ASB15: variants seen among roughly 807,000 people sequenced by gnomAD.
ASB15 encodes the protein ankyrin repeat and SOCS box protein 15.
ASB15 carries 54 observed loss-of-function variants against 58.0 expected under a neutral mutation model. The observed-to-expected ratio is 0.93, with a 90% CI of 0.75 to 1.17. ASB15 has a LOEUF of 1.17. Ranked by LOEUF, ASB15 falls within the 50% of genes most tolerant of loss-of-function variation. The pLI, the probability that ASB15 is intolerant of heterozygous loss-of-function variation, is 0.00. For missense variants in ASB15, 680 were observed against 707.4 expected, an observed-to-expected ratio of 0.96 and a Z score of 0.44; for synonymous variants, 249 against 262.4, an observed-to-expected ratio of 0.95 and a Z score of 0.50.
At chr7:123,616,752 T>C (rs1800845031) in intron 6 of ASB15, among the ~76,000 whole-genome samples, 1 of 152,152 alleles carries the variant, frequency 6.6e-6, no homozygotes. Flanking sequence ...GGTTATCACA[T>C]AAAAGTGATA....
At chr7:123,619,458 C>T (rs1801083019) in intron 7 of ASB15, among the ~76,000 whole-genome samples, 1 of 152,074 alleles carries the variant, frequency 6.6e-6, no homozygotes, top group Admixed American at 6.6e-5. Flanking sequence ...AGGTGTTCTG[C>T]CCCGATACAG....
intron 1 of ASB15, among the ~76,000 whole-genome samples, chr7:123,574,557 A>T (rs1463261956): frequency 6.6e-6 from 1 of 152,214 alleles, no homozygotes; most frequent in East Asian, 1.9e-4. Flanking sequence ...AACACTGTTT[A>T]CATGTTAGCA....
chr7:123,593,751 T>C (rs952372017), intron 1 of ASB15, among the ~76,000 whole-genome samples: 1 of 152,138 alleles, frequency 6.6e-6, no homozygotes, highest in Non-Finnish European at 1.5e-5. Context: ...TGAACACTTA[T>C]GTGTCTTGGG....
chr7:123,611,953 T>A (rs1800488575), intron 3 of ASB15, among the ~76,000 whole-genome samples: 2 of 151,138 alleles, frequency 1.3e-5, no homozygotes, highest in Admixed American at 1.3e-4. Flanking sequence ...GGGAACTTCC[T>A]TTGTGATAGT....
At chr7:123,633,361 GATATA>G (rs1228402682) in intron 11 of ASB15, among the ~76,000 whole-genome samples, 3 of 151,946 alleles carry the variant, frequency 2.0e-5, no homozygotes, top group East Asian at 3.9e-4. Flanking sequence ...TATTGATAGT[GATATA>G]ATATTAATAT....
At chr7:123,600,444 A>G (rs1799839631), upstream of ASB15, among the ~76,000 whole-genome samples, 1 of 152,172 alleles carries the variant, frequency 6.6e-6, no homozygotes, top group Non-Finnish European at 1.5e-5. Context: ...TTAGGTGCAC[A>G]TTTTCCCACA....
chr7:123,578,315 A>C (rs1255088273), intron 1 of ASB15, among the ~76,000 whole-genome samples: 2 of 151,686 alleles, frequency 1.3e-5, no homozygotes, highest in Non-Finnish European at 2.9e-5. Flanking sequence ...TATGTTGCTC[A>C]AAAATTACCA....
At chr7:123,625,615 T>C (rs147840965) in intron 8 of ASB15, among the ~76,000 whole-genome samples, 2 of 152,264 alleles carry the variant, frequency 1.3e-5, no homozygotes, top group East Asian at 3.9e-4. Flanking sequence ...AGACACCTCC[T>C]CCCTAAATCC....
chr7:123,578,640 G>A (rs1799136977), intron 1 of ASB15, among the ~76,000 whole-genome samples: 1 of 151,918 alleles, frequency 6.6e-6, no homozygotes, highest in Non-Finnish European at 1.5e-5. Flanking sequence ...TAATATCTGA[G>A]CTAATGAGAG....
chr7:123,617,683 A>G lies in ASB15; in HGVS notation c.397A>G (p.Lys133Glu). The G allele has an allele frequency of 6.2e-7, 1 of 1,613,074 alleles. No homozygotes were observed. Among genetic ancestry groups the G allele is most frequent in the Non-Finnish European group, 8.5e-7 (1 of 1,179,020 alleles). Residue 133 changes from lysine to glutamate, a missense_variant, in exon 7 of 12, where the codon AAG becomes GAG. Lys to Glu is a moderately conservative substitution (Grantham distance 56). Transcript: ENST00000451215. ...LVENVRTLLE[K>E]GVWPNTKNDK... ...GGAAAATGTAAGAACTTTATTAGAA[A>G]AGGGAGTGTGGCCCAACACAAAAAA...
At chr7:123,602,303 C>G (rs909249311) in intron 1 of ASB15, among the ~76,000 whole-genome samples, 1 of 151,986 alleles carries the variant, frequency 6.6e-6, no homozygotes, top group Non-Finnish European at 1.5e-5. Context: ...TCTTTTAAGG[C>G]TTTTTCATCA....
intron 1 of ASB15, among the ~76,000 whole-genome samples, chr7:123,576,728 C>T (rs1351345008): frequency 6.6e-6 from 1 of 152,142 alleles, no homozygotes; most frequent in Non-Finnish European, 1.5e-5. Flanking sequence ...TTACTACACA[C>T]TTCACTGTGA....
intron 1 of ASB15, among the ~76,000 whole-genome samples, chr7:123,603,490 G>C (rs1210713225): frequency 6.6e-6 from 1 of 152,168 alleles, no homozygotes; most frequent in African/African-American, 2.4e-5. Context: ...AATACTAGGT[G>C]GTGGTGTCTT....
intron 11 of ASB15, among the ~76,000 whole-genome samples, chr7:123,632,318 C>T (rs961810769): frequency 6.6e-6 from 1 of 151,856 alleles, no homozygotes; most frequent in African/African-American, 2.4e-5. Context: ...AATGTGAAGA[C>T]TGAACTAGAA....
chr7:123,617,554 T>C (rs1204027145), intron 6 of ASB15, 25 bp from the exon 7 acceptor site: 1 of 1,581,752 alleles, frequency 6.3e-7, no homozygotes, highest in Non-Finnish European at 8.7e-7. Flanking sequence ...TTTCAACTTT[T>C]CAACATAATG....
intron 11 of ASB15, among the ~76,000 whole-genome samples, chr7:123,635,794 A>AG (rs964721417): frequency 6.6e-6 from 1 of 151,920 alleles, no homozygotes; most frequent in South Asian, 2.1e-4. Context: ...CATATTGGTT[A>AG]GGAAAAAAAA....
At chr7:123,628,483 C>T (rs573041226) in intron 9 of ASB15, among the ~76,000 whole-genome samples, 6 of 152,280 alleles carry the variant, frequency 3.9e-5, no homozygotes, top group Admixed American at 6.5e-5. Flanking sequence ...GATTATGAAG[C>T]ATTCCTCTGT....
At chr7:123,585,754 T>C (rs781516908) in intron 1 of ASB15, among the ~76,000 whole-genome samples, 1 of 151,758 alleles carries the variant, frequency 6.6e-6, no homozygotes, top group Non-Finnish European at 1.5e-5. Flanking sequence ...ATTAGATCTC[T>C]AAAACTTATA....
chr7:123,636,883 C>T lies in ASB15; in HGVS notation c.1669C>T (p.Pro557Ser). ...RLMGLQKLCQ[P>S]ASVEKLPLPP... The stretch of plus-strand genomic sequence containing the variant: ...TATGGGTCTCCAGAAACTCTGCCAG[C>T]CAGCCTCAGTGGAGAAGCTTCCTCT... The change falls in exon 12 of 12, where the codon CCA becomes TCA. Residue 557 changes from proline to serine, a missense_variant. Transcript: ENST00000451215. 1 of 1,606,180 alleles carries T rather than the reference C, an allele frequency of 6.2e-7. No homozygotes were observed. Among genetic ancestry groups the T allele is most frequent in the Non-Finnish European group, 8.5e-7 (1 of 1,173,416 alleles).
Sources: gnomAD v4.1 joint callset for allele counts (sites outside exome capture counted in the v4.1 genomes callset) on GRCh38, gnomAD v4.1.1 for gene constraint, MANE v1.5 for transcripts, NCBI Gene and HGNC (gene_info 2026-07-23, HGNC 2026-07-21) for gene names.